The following CEACAM20 variants were observed in gnomAD, a reference collection of about 807,000 sequenced individuals.
CEACAM20 encodes cell adhesion molecule CEACAM20.
A neutral mutation model predicts 61.2 loss-of-function variants in CEACAM20; 50 were observed. The ratio of observed to expected loss-of-function variants is 0.82; its 90% CI spans 0.65 to 1.03. The LOEUF (loss-of-function observed/expected upper bound fraction) is 1.03. Ranked by LOEUF, CEACAM20 falls within the 50% of genes least tolerant of loss-of-function variation. CEACAM20 has a pLI of 0.00. For synonymous variants in CEACAM20, 282 were observed against 287.7 expected (o/e 0.98, Z 0.20); for missense variants, 683 against 736.4 (o/e 0.93, Z 0.84).
In CEACAM20 at chr19:44,513,288, A is replaced by G. The variant is rs1382537041; in HGVS notation, c.1311T>C (p.Gly437=). 3 of 1,608,956 alleles carry G rather than the reference A, an allele frequency of 1.9e-6. No individual in the cohort carries two copies. Among genetic ancestry groups the G allele is most frequent in the East Asian group, 4.5e-5 (2 of 44,824 alleles). ...RSTSVLVKVV[G]PQSSSLSSGA... ...CTGAGGACAGGGAGGAGGACTGGGG[A>G]CCTGGGCAAGGAGACAGAATCAAGA... is the stretch of plus-strand genomic sequence containing the variant. The change falls in exon 7 of 12, where the codon GGT becomes GGC. Residue 437 remains glycine, a splice_region_variant and synonymous_variant. Transcript: ENST00000614924.
At chr19:44,523,860 G>T in intron 3 of CEACAM20, 126 bp downstream of exon 3, 1 of 1,044,908 alleles carries the variant, frequency 9.6e-7, no homozygotes, top group Non-Finnish European at 1.4e-6. Flanking sequence ...ATGTCAAACA[G>T]TTATATGTCT....
At chr19:44,517,490 G>T (rs1222567011) in intron 5 of CEACAM20, among the ~76,000 whole-genome samples, 1 of 152,024 alleles carries the variant, frequency 6.6e-6, no homozygotes, top group African/African-American at 2.4e-5. Flanking sequence ...GAGGTCAGGA[G>T]ATCGAGACCA....
rs754597427 is a variant in CEACAM20 at position 44,525,248 on chromosome 19, CA to C, written c.53-5del. 8.3e-6 allele frequency: 13 copies of C among 1,570,540 alleles called. No individual in the cohort carries two copies. The Admixed American group carries it at 1.4e-4, about 16-fold the overall frequency. On this transcript the variant is annotated splice_region_variant and splice_polypyrimidine_tract_variant and intron_variant, in intron 1 of 11. Transcript: ENST00000614924. ...CTCCATACGGTACAAAGCGAGGCTA[CA>C]AGGGGAGAGAGGAGGCATTCAGGGA...
rs372851437 is a variant in CEACAM20, at chr19:44,511,133, C to T, written c.1634G>A (p.Arg545His). 8.8e-5 allele frequency: 142 copies of T among 1,613,728 alleles called. No homozygotes were observed. The highest frequency in any genetic ancestry group is 1.0e-4 in the Non-Finnish European group (119 of 1,179,848). ...TYETKLPSAS[R>H]RGNSFSPWKP... is the part of the protein sequence containing the mutation. ...CCAGGGGCTGAAAGAATTGCCTCTA[C>T]GGCTTGCTGAAGGCAGCTTCGTCTG... The change falls in exon 11 of 12, where the codon CGT (arginine) becomes CAT (histidine). Residue 545 changes from arginine (R) to histidine (H), a missense_variant. Transcript: ENST00000614924.
At position 44,520,682 on chromosome 19, in the gene CEACAM20, C is replaced by G. The variant is rs1222710502; in HGVS notation, c.822G>C (p.Leu274=). The G allele has an allele frequency of 6.2e-7, 1 of 1,613,988 alleles. No homozygotes were observed. The highest frequency in any genetic ancestry group is 1.1e-5 in the South Asian group (1 of 91,088). Residue 274 remains leucine, a synonymous_variant, in exon 5 of 12, where the codon CTG becomes CTC. Coordinates refer to ENST00000614924, the MANE Select transcript of CEACAM20 (RefSeq NM_001102597.3). ...CACTCTGATTGACGGTTTGGCAGGT[C>G]AGGTCCACAGACCTAGCATTCTCCA... is the stretch of plus-strand genomic sequence containing the variant. ...NLVENARSVD[L]TCQTVNQSVN...
In CEACAM20 at chr19:44,517,236, G is replaced by A; in HGVS notation, c.1031-12C>T. ...TTGGTCAGGACCATCTGTGTGTAAA[G>A]CCAAACGTGATGCACCCTGGCCCCC... is the stretch of plus-strand genomic sequence containing the variant. On this transcript the variant is annotated splice_polypyrimidine_tract_variant and intron_variant, in intron 5 of 11. Transcript: ENST00000614924. 6.3e-7 allele frequency: 1 copy of A among 1,599,400 alleles called. No individual in the cohort carries two copies. Among genetic ancestry groups the A allele is most frequent in the Non-Finnish European group, 8.5e-7 (1 of 1,177,030 alleles).
At chr19:44,528,775 CTCTG>C (rs1309470724) in intron 1 of CEACAM20, among the ~76,000 whole-genome samples, 6 of 150,768 alleles carry the variant, frequency 4.0e-5, no homozygotes, top group African/African-American at 1.2e-4. Flanking sequence ...TTTTTTCTGT[CTCTG>C]TCTCTCTGTG....
chr19:44,527,614 T>A (rs989058865), intron 1 of CEACAM20, among the ~76,000 whole-genome samples: 1 of 151,928 alleles, frequency 6.6e-6, no homozygotes, highest in Non-Finnish European at 1.5e-5. Flanking sequence ...GGCTTTCTTC[T>A]CACAGGGTCC....
chr19:44,517,101 T>TACTCAGCACCTGGCTTGG lies in CEACAM20; in HGVS notation c.1136_1153dup (p.Ser379_Glu384dup), dbSNP rs1568451464. Reference sequence around the variant, plus strand: ...GGTGGAGTGTTCAAGAGTCCAGCGATACTCAGCACCTGGCTTGGACTCGGC... The same window carrying TACTCAGCACCTGGCTTGG: ...GGTGGAGTGTTCAAGAGTCCAGCGATACTCAGCACCTGGCTTGGACTCAGCACCTGGCTTGGACTCGGC... On this transcript the variant is annotated inframe_insertion, in exon 6 of 12. Transcript: ENST00000614924. 1 of 1,612,544 alleles carries TACTCAGCACCTGGCTTGG rather than the reference T, an allele frequency of 6.2e-7. No homozygotes were observed. Among genetic ancestry groups the TACTCAGCACCTGGCTTGG allele is most frequent in the Admixed American group, 1.7e-5 (1 of 59,748 alleles).
intron 4 of CEACAM20, 89 bp from the exon 5 acceptor site, chr19:44,520,841 C>T (rs12975863): frequency 0.084 from 102,791 of 1,225,886 alleles, 3,703 homozygotes; most frequent in East Asian, 0.33. Context: ...TCCAGGAGTG[C>T]GTGCGTGTGT....
intron 11 of CEACAM20, among the ~76,000 whole-genome samples, chr19:44,509,909 A>G (rs1348226750): frequency 1.3e-5 from 2 of 152,194 alleles, no homozygotes; most frequent in Non-Finnish European, 2.9e-5. Flanking sequence ...TTGCCTAGGA[A>G]GGAATGGAGA....
intron 9 of CEACAM20, 78 bp downstream of exon 9, chr19:44,511,939 C>A: frequency 7.3e-7 from 1 of 1,366,772 alleles, no homozygotes; most frequent in Non-Finnish European, 1.0e-6. Context: ...AAGATCATGC[C>A]AGCCCCCACC....
In CEACAM20 at chr19:44,520,495, G is replaced by T; in HGVS notation, c.1009C>A (p.Pro337Thr). Residue 337 changes from proline to threonine, a missense_variant, in exon 5 of 12, where the codon CCC (proline) becomes ACC (threonine). Physicochemically the swap from Pro to Thr is conservative, Grantham distance 38. Coordinates refer to ENST00000614924, the MANE Select transcript of CEACAM20 (RefSeq NM_001102597.3). ...WNWGSRARSE[P>T]LELTINYGPD... ...TCACAGTTGATGGTCAGCTCAAGGG[G>T]CTCACTCCGGGCCCGGCTGCCCCAG... is the stretch of plus-strand genomic sequence containing the variant. 2.5e-6 allele frequency: 4 copies of T among 1,613,202 alleles called. No individual in the cohort carries two copies. Among genetic ancestry groups the T allele is most frequent in the South Asian group, 1.1e-5 (1 of 91,040 alleles).
intron 4 of CEACAM20, among the ~76,000 whole-genome samples, chr19:44,522,015 C>T (rs1363703558): frequency 6.6e-6 from 1 of 152,128 alleles, no homozygotes; most frequent in Non-Finnish European, 1.5e-5. Flanking sequence ...CCAGTGTGCC[C>T]AGCCTTCCCT....
chr19:44,511,530 C>A (rs2123560520), intron 10 of CEACAM20, 107 bp downstream of exon 10: 1 of 1,143,144 alleles, frequency 8.7e-7, no homozygotes, highest in South Asian at 1.4e-5. Flanking sequence ...CTGTGATGTG[C>A]CATGAAATGT....
intron 5 of CEACAM20, 29 bp downstream of exon 5, chr19:44,520,445 G>A (rs1299016651): frequency 3.8e-6 from 6 of 1,599,458 alleles, no homozygotes; most frequent in Non-Finnish European, 5.1e-6. Flanking sequence ...GCAGGGAGAT[G>A]GGGAAGGTCC....
In CEACAM20 at chr19:44,509,935, G is replaced by A. The variant is rs115487917; in HGVS notation, c.1737+1095C>T. ...GGAATGGAGAGGTAGGAAATAGAAC[G>A]GATGAAATGGATTAAATATATGGAT... On this transcript the variant is annotated intron_variant, in intron 11 of 11. Transcript: ENST00000614924. Among the ~76,000 whole-genome samples, 708 of 152,128 alleles carry A rather than the reference G, an allele frequency of 4.7e-3. 3 individuals carry two copies. Among genetic ancestry groups the A allele is most frequent in the African/African-American group, 0.016 (656 of 41,488 alleles).
intron 5 of CEACAM20, among the ~76,000 whole-genome samples, chr19:44,518,898 T>A (rs1225153853): frequency 6.6e-6 from 1 of 152,162 alleles, no homozygotes; most frequent in Non-Finnish European, 1.5e-5. Flanking sequence ...GGCTCCCCAG[T>A]GCCCTTGGGA....
chr19:44,517,522 C>A (rs1409197571), intron 5 of CEACAM20, among the ~76,000 whole-genome samples: 1 of 151,660 alleles, frequency 6.6e-6, no homozygotes, highest in Non-Finnish European at 1.5e-5. Context: ...ATGGTGAAAC[C>A]CCGTATCTAC....
Sources: gnomAD v4.1 joint callset for allele counts (sites outside exome capture counted in the v4.1 genomes callset) on GRCh38, gnomAD v4.1.1 for gene constraint, MANE v1.5 for transcripts, NCBI Gene and HGNC (gene_info 2026-07-23, HGNC 2026-07-21) for gene names.